The following RNF216 variants were observed in gnomAD, a reference collection of about 807,000 sequenced individuals.
RNF216 encodes E3 ubiquitin-protein ligase RNF216.
In RNF216, 72 loss-of-function variants were observed where a neutral mutation model predicts 110.8. The observed-to-expected ratio is 0.65, with a 90% CI of 0.54 to 0.79. The LOEUF (loss-of-function observed/expected upper bound fraction) is 0.79. Among genes scored for constraint, RNF216 ranks in the 30% least tolerant of loss-of-function variants. The probability of loss-of-function intolerance (pLI) is 0.00; values close to 1 mark genes in which losing one functional copy is unlikely to be tolerated. For missense variants in RNF216, 1,342 were observed against 1,141.2 expected (o/e 1.18, Z -2.54); for synonymous variants, 495 against 407.5 (o/e 1.21, Z -2.59).
chr7:5,668,257 C>T (rs1416052806), intron 13 of RNF216, among the ~76,000 whole-genome samples: 1 of 148,786 alleles, frequency 6.7e-6, no homozygotes, highest in Non-Finnish European at 1.5e-5. Context: ...GAGTCTCGCT[C>T]CGTTGGCCCC....
At chr7:5,764,240 T>C (rs1796085124) in intron 1 of RNF216, among the ~76,000 whole-genome samples, 1 of 150,624 alleles carries the variant, frequency 6.6e-6, no homozygotes, top group Admixed American at 6.6e-5. Flanking sequence ...TAAGTATCCA[T>C]TCAAACCAGC....
At chr7:5,665,620 C>A in intron 13 of RNF216, among the ~76,000 whole-genome samples, 1 of 151,788 alleles carries the variant, frequency 6.6e-6, no homozygotes. Context: ...TGGGAGAGAC[C>A]ACACATAGCT....
chr7:5,671,058 T>G (rs1426453308), intron 13 of RNF216, among the ~76,000 whole-genome samples: 1 of 152,238 alleles, frequency 6.6e-6, no homozygotes, highest in East Asian at 1.9e-4. Flanking sequence ...CGATACTTTT[T>G]TCTTTACAGA....
chr7:5,632,599 A>G (rs1364851376), intron 15 of RNF216, among the ~76,000 whole-genome samples: 2 of 152,198 alleles, frequency 1.3e-5, no homozygotes, highest in East Asian at 3.9e-4. Flanking sequence ...CAACATGGCG[A>G]AACCCCATCT....
chr7:5,744,697 C>G (rs1256494934), intron 3 of RNF216, among the ~76,000 whole-genome samples: 1 of 152,110 alleles, frequency 6.6e-6, no homozygotes, highest in East Asian at 1.9e-4. Flanking sequence ...TCTGGCTAGG[C>G]ACGGTTGGCT....
intron 13 of RNF216, among the ~76,000 whole-genome samples, chr7:5,670,922 G>A (rs902826606): frequency 1.3e-5 from 2 of 152,160 alleles, no homozygotes; most frequent in African/African-American, 2.4e-5. Flanking sequence ...TTCCCAAGAC[G>A]AACCACCATG....
intron 1 of RNF216, among the ~76,000 whole-genome samples, chr7:5,771,800 C>G (rs146927618): frequency 6.6e-6 from 1 of 151,000 alleles, no homozygotes; most frequent in Non-Finnish European, 1.5e-5. Flanking sequence ...CCTGTCCCCC[C>G]ACCAAAAAAC....
intron 13 of RNF216, among the ~76,000 whole-genome samples, chr7:5,670,701 T>C (rs1240197540): frequency 1.3e-5 from 2 of 152,130 alleles, no homozygotes; most frequent in African/African-American, 4.8e-5. Context: ...GCTAAGGTGG[T>C]GTAACTGGGT....
chr7:5,726,110 C>T (rs1470633024), intron 7 of RNF216, among the ~76,000 whole-genome samples: 1 of 152,004 alleles, frequency 6.6e-6, no homozygotes, highest in African/African-American at 2.4e-5. Context: ...CACCCCGTCT[C>T]TACTAAAAAT....
At chr7:5,777,886 T>G (rs1441653960) in intron 1 of RNF216, among the ~76,000 whole-genome samples, 1 of 152,166 alleles carries the variant, frequency 6.6e-6, no homozygotes, top group Non-Finnish European at 1.5e-5. Flanking sequence ...ACATCAAGAT[T>G]TTCTTCAACT....
At position 5,760,992 on chromosome 7, in the gene RNF216, A is replaced by C. The variant is rs559779243; in HGVS notation, c.67+11T>G. ...ACAGGGAAAGGGATGAAGTGAGAACAAACAACTTACCTTGTCCCCGATGGC... is the reference window on the plus strand; with the variant it reads ...ACAGGGAAAGGGATGAAGTGAGAACCAACAACTTACCTTGTCCCCGATGGC... On this transcript the variant is annotated intron_variant, in intron 2 of 16. Coordinates refer to ENST00000389902, the MANE Select transcript of RNF216 (RefSeq NM_207111.4). 20 of 1,566,052 alleles carry C rather than the reference A, an allele frequency of 1.3e-5. No individual in the cohort carries two copies. The African/African-American group carries it at 2.1e-4, about 16-fold the overall frequency.
At chr7:5,736,771 G>A (rs1233647502) in intron 5 of RNF216, among the ~76,000 whole-genome samples, 3 of 146,604 alleles carry the variant, frequency 2.0e-5, no homozygotes, top group South Asian at 2.2e-4. Context: ...GCCAGGCTGC[G>A]ACCCCATCTG....
At chr7:5,778,595 G>C (rs73673519) in intron 1 of RNF216, among the ~76,000 whole-genome samples, 1,823 of 152,272 alleles carry the variant, frequency 0.012, 29 homozygotes, top group African/African-American at 0.042. Flanking sequence ...ATCTTCAATA[G>C]TAGATGTACT....
intron 7 of RNF216, 39 bp downstream of exon 7, chr7:5,729,393 C>G (rs936267538): frequency 1.2e-6 from 2 of 1,600,536 alleles, no homozygotes; most frequent in African/African-American, 2.7e-5. Context: ...AAGATGTAGT[C>G]AAGAGGTGTG....
chr7:5,711,834 G>T lies in RNF216; in HGVS notation c.1988C>A (p.Pro663Gln). 1 of 1,613,656 alleles carries T rather than the reference G, an allele frequency of 6.2e-7. No individual in the cohort carries two copies. Residue 663 changes from proline to glutamine, a missense_variant, in exon 13 of 17, where the codon CCG (proline) becomes CAG (glutamine). Pro to Gln is a moderately conservative substitution (Grantham distance 76). Coordinates refer to ENST00000389902, the MANE Select transcript of RNF216 (RefSeq NM_207111.4). ...AAYADELVRC[P>Q]SCSFPALLDS... ...CAACAGAGCCGGAAAGCTACAGGAC[G>T]GGCACCTAGAGTCAGAACAGCAGAA...
At chr7:5,748,402 G>A (rs1199987079) in intron 3 of RNF216, among the ~76,000 whole-genome samples, 1 of 152,098 alleles carries the variant, frequency 6.6e-6, no homozygotes, top group Non-Finnish European at 1.5e-5. Context: ...TGGGATTATA[G>A]GTGCTCACCA....
chr7:5,660,265 C>CTTTTTTTTTTTTTTT lies in RNF216; in HGVS notation c.2062-7770_2062-7756dup, dbSNP rs66617363. ...ACAGAGCCCGGCCCTGTTTTAAATT[C>CTTTTTTTTTTTTTTT]TTTTTTTTTTTTTTTTTTTTTTTTT... On this transcript the variant is annotated intron_variant, in intron 13 of 16. Coordinates refer to ENST00000389902, the MANE Select transcript of RNF216 (RefSeq NM_207111.4). 3.0e-4 allele frequency among the ~76,000 whole-genome samples: 10 copies of CTTTTTTTTTTTTTTT among 33,652 alleles called. 1 individual carries two copies. Among genetic ancestry groups the CTTTTTTTTTTTTTTT allele is most frequent in the Non-Finnish European group, 4.3e-4 (7 of 16,338 alleles). 22.1% of individuals were successfully genotyped at this position (33,652 alleles called of 152,430 possible).
intron 3 of RNF216, among the ~76,000 whole-genome samples, chr7:5,747,773 AAAGGG>A (rs1795109251): frequency 8.2e-5 from 3 of 36,792 alleles, no homozygotes; most frequent in African/African-American, 2.8e-4. Flanking sequence ...AAAAAAAAAA[AAAGGG>A]GAAAAAAAAA....
At chr7:5,703,674 T>C (rs1297505742) in intron 13 of RNF216, among the ~76,000 whole-genome samples, 1 of 152,232 alleles carries the variant, frequency 6.6e-6, no homozygotes, top group Non-Finnish European at 1.5e-5. Context: ...TGGGAAAAGA[T>C]GGGTGGTTAC....
Sources: allele counts gnomAD v4.1 joint callset (sites outside exome capture counted in the v4.1 genomes callset), GRCh38; gene constraint gnomAD v4.1.1; transcripts MANE v1.5; gene names NCBI Gene and HGNC (gene_info 2026-07-23, HGNC 2026-07-21).